Variants in CTNNA3 observed in about 807,000 individuals in gnomAD.
The protein encoded by CTNNA3 is catenin alpha 3.
CTNNA3 carries 76 observed loss-of-function variants against 95.7 expected under a neutral mutation model. That is an observed-to-expected ratio of 0.79 (90% CI 0.66 to 0.96). The LOEUF is 0.96. CTNNA3 is among the 40% of genes least tolerant of loss of function. The probability of loss-of-function intolerance (pLI) is 0.00; values close to 1 mark genes in which losing one functional copy is unlikely to be tolerated. For missense variants in CTNNA3, 1,191 were observed against 1,089.8 expected, an observed-to-expected ratio of 1.09 and a Z score of -1.31; for synonymous variants, 431 against 374.4, an observed-to-expected ratio of 1.15 and a Z score of -1.74.
chr10:66,199,789 ATATATATATATATATATTTTTTT>A (rs1430364692), intron 13 of CTNNA3, among the ~76,000 whole-genome samples: 2 of 11,158 alleles, frequency 1.8e-4, no homozygotes, highest in African/African-American at 7.0e-4. Context: ...ATATATATAT[ATATATATATATATATATTTTTTT>A]TTTTTTTTTT....
In CTNNA3 at chr10:66,323,418, C is replaced by T. The variant is rs576257048; in HGVS notation, c.1733-42797G>A. Among the ~76,000 whole-genome samples, 19 of 151,788 alleles carry T rather than the reference C, an allele frequency of 1.3e-4. No homozygotes were observed. In the East Asian group the frequency reaches 1.4e-3, roughly 11 times the overall value. ...CAGCACTTTGAGAGGCCAAGGGGCA[C>T]GGATCACCTGAGGTCAAGAGTTCGA... On this transcript the variant is annotated intron_variant, in intron 12 of 17. Coordinates refer to ENST00000433211, the MANE Select transcript of CTNNA3 (RefSeq NM_013266.4).
chr10:66,166,737 A>T (rs536055206), intron 13 of CTNNA3, among the ~76,000 whole-genome samples: 1 of 150,354 alleles, frequency 6.7e-6, no homozygotes, highest in Non-Finnish European at 1.5e-5. Context: ...CACATAATTA[A>T]CTATTATAAC....
intron 7 of CTNNA3, among the ~76,000 whole-genome samples, chr10:67,053,360 A>T (rs188845255): frequency 1.7e-3 from 255 of 152,318 alleles, no homozygotes; most frequent in African/African-American, 5.7e-3. Context: ...AGATAGAAGA[A>T]GTTGGAATTT....
intron 13 of CTNNA3, among the ~76,000 whole-genome samples, chr10:66,174,903 C>T (rs542286294): frequency 1.3e-5 from 2 of 152,012 alleles, no homozygotes; most frequent in Non-Finnish European, 2.9e-5. Context: ...AAAAATTCAA[C>T]CCGTGAATTT....
chr10:66,624,364 C>G (rs1589033185), intron 9 of CTNNA3, among the ~76,000 whole-genome samples: 1 of 152,078 alleles, frequency 6.6e-6, no homozygotes, highest in East Asian at 1.9e-4. Flanking sequence ...GTATGAATTG[C>G]CTTCCATTTA....
chr10:66,633,620 CAGTGAGCCG>C (rs1242104329), intron 9 of CTNNA3, among the ~76,000 whole-genome samples: 2 of 151,890 alleles, frequency 1.3e-5, no homozygotes, highest in Non-Finnish European at 2.9e-5. Flanking sequence ...GCAGAGCTTG[CAGTGAGCCG>C]AGATCCTGCC....
intron 5 of CTNNA3, among the ~76,000 whole-genome samples, chr10:67,268,917 T>A (rs1431210194): frequency 1.3e-5 from 2 of 152,070 alleles, no homozygotes; most frequent in African/African-American, 2.4e-5. Context: ...ATAAAAAAAA[T>A]GTCCAAAAGA....
intron 13 of CTNNA3, among the ~76,000 whole-genome samples, chr10:66,123,329 ACTCCATGT>A (rs1837559272): frequency 6.6e-6 from 1 of 151,760 alleles, no homozygotes; most frequent in African/African-American, 2.4e-5. Flanking sequence ...ATCTCCTTTG[ACTCCATGT>A]CTCGCATCCG....
chr10:67,706,500 G>A (rs367924973), intron 1 of CTNNA3, among the ~76,000 whole-genome samples: 2 of 152,046 alleles, frequency 1.3e-5, no homozygotes, highest in Admixed American at 6.6e-5. Context: ...GGGGAACAAG[G>A]CCAACTACTT....
intron 10 of CTNNA3, among the ~76,000 whole-genome samples, chr10:66,550,392 C>T (rs1289375036): frequency 6.6e-6 from 1 of 152,028 alleles, no homozygotes; most frequent in East Asian, 1.9e-4. Flanking sequence ...ATTCTCTATC[C>T]TTTAATTGGA....
intron 3 of CTNNA3, among the ~76,000 whole-genome samples, chr10:67,595,417 G>A (rs1842909364): frequency 6.6e-6 from 1 of 152,124 alleles, no homozygotes; most frequent in African/African-American, 2.4e-5. Context: ...GGAGCACATT[G>A]TTTAATTTTC....
intron 13 of CTNNA3, among the ~76,000 whole-genome samples, chr10:66,232,993 T>TA (rs1243892241): frequency 6.6e-6 from 1 of 151,532 alleles, no homozygotes; most frequent in African/African-American, 2.4e-5. Context: ...CCATCTCTAC[T>TA]AAAAAATACA....
chr10:67,069,055 A>AAT (rs1554911292), intron 7 of CTNNA3, among the ~76,000 whole-genome samples: 1 of 131,788 alleles, frequency 7.6e-6, no homozygotes, highest in Admixed American at 7.6e-5. Flanking sequence ...CAGGAAAAAA[A>AAT]ATATATATAT....
At chr10:65,991,183 A>G (rs1454457075) in intron 15 of CTNNA3, among the ~76,000 whole-genome samples, 1 of 152,040 alleles carries the variant, frequency 6.6e-6, no homozygotes, top group Non-Finnish European at 1.5e-5. Context: ...GCCAGGTAGT[A>G]TGATGTGTTG....
intron 7 of CTNNA3, among the ~76,000 whole-genome samples, chr10:67,175,115 A>C (rs1409559668): frequency 7.7e-6 from 1 of 129,806 alleles, no homozygotes; most frequent in African/African-American, 2.8e-5. Context: ...AAGGGCAAGA[A>C]GGAAGGGATG....
At chr10:65,938,721 C>T (rs926485026) in intron 17 of CTNNA3, among the ~76,000 whole-genome samples, 6 of 152,054 alleles carry the variant, frequency 3.9e-5, no homozygotes, top group African/African-American at 4.8e-5. Context: ...GCATCTTTGG[C>T]AGGTGGCATA....
intron 1 of CTNNA3, among the ~76,000 whole-genome samples, chr10:67,731,800 CA>C (rs199645393): frequency 0.17 from 17,191 of 103,452 alleles, 1,089 homozygotes; most frequent in Non-Finnish European, 0.2. Flanking sequence ...GACTCCGTCT[CA>C]AAAAAAAAAA....
At chr10:66,323,383 C>A (rs779640375) in intron 12 of CTNNA3, among the ~76,000 whole-genome samples, 3 of 151,760 alleles carry the variant, frequency 2.0e-5, no homozygotes, top group Non-Finnish European at 4.4e-5. Context: ...GCAGTCTACA[C>A]CTGTAATCCC....
At chr10:66,034,665 G>A (rs910379684) in intron 15 of CTNNA3, among the ~76,000 whole-genome samples, 3 of 152,180 alleles carry the variant, frequency 2.0e-5, no homozygotes, top group Non-Finnish European at 4.4e-5. Flanking sequence ...TATGCACTGT[G>A]AGTATTCCAG....
Sources: gnomAD v4.1 joint callset for allele counts (sites outside exome capture counted in the v4.1 genomes callset) on GRCh38, gnomAD v4.1.1 for gene constraint, MANE v1.5 for transcripts, NCBI Gene and HGNC (gene_info 2026-07-23, HGNC 2026-07-21) for gene names.